ZFHX3: variants seen among roughly 807,000 people sequenced by gnomAD.
The protein encoded by ZFHX3 is zinc finger homeobox protein 3.
In ZFHX3, 42 loss-of-function variants were observed where a neutral mutation model predicts 279.1. The ratio of observed to expected loss-of-function variants is 0.15; its 90% CI spans 0.12 to 0.19. The LOEUF (loss-of-function observed/expected upper bound fraction) is 0.19, where lower values mean the gene tolerates loss of function less well. Ranked by LOEUF, ZFHX3 falls within the 10% of genes least tolerant of loss-of-function variation. ZFHX3 has a pLI of 1.00. For missense variants in ZFHX3, 4,981 were observed against 4,754.0 expected (o/e 1.05, Z -1.40); for synonymous variants, 2,293 against 1,957.8 (o/e 1.17, Z -4.52).
intron 3 of ZFHX3, among the ~76,000 whole-genome samples, chr16:73,358,973 C>T (rs2016390329): frequency 6.6e-6 from 1 of 152,160 alleles, no homozygotes; most frequent in South Asian, 2.1e-4. Flanking sequence ...CAAACAGTAC[C>T]TGGTCCATAA....
In ZFHX3 at chr16:73,784,838, T is replaced by C. The variant is rs1007803288; in HGVS notation, c.-1607-104598A>G. 2.5e-4 allele frequency among the ~76,000 whole-genome samples: 31 copies of C among 121,860 alleles called. 1 individual carries two copies. The highest frequency in any genetic ancestry group is 8.1e-3 in the Middle Eastern group (2 of 248). The allele number at this position is 121,860 out of a possible 152,430, so 79.9% of individuals were successfully genotyped here. A position where few individuals can be genotyped will look rare whatever the true frequency, so the allele number is the denominator to read the frequency against. On this transcript the variant is annotated intron_variant, in intron 1 of 17. Coordinates refer to the ZFHX3 transcript ENST00000641206. ...ATATACACACACACACACACACACA[T>C]ATAGTCTGAAAAAGCCAAGCAGTTC...
intron 2 of ZFHX3, among the ~76,000 whole-genome samples, chr16:72,952,038 C>T (rs1224488314): frequency 1.3e-5 from 2 of 152,150 alleles, no homozygotes; most frequent in Admixed American, 1.3e-4. Context: ...ATCACCTGAG[C>T]TTAGGAGCTC....
chr16:73,000,891 C>T (rs1025582730), intron 1 of ZFHX3, among the ~76,000 whole-genome samples: 1 of 152,236 alleles, frequency 6.6e-6, no homozygotes, highest in African/African-American at 2.4e-5. Context: ...GCAGCCAACA[C>T]TAAGCAATGA....
Position 73,810,697 on chromosome 16 carries a change from C to CA in ZFHX3, c.-1608+80953dup, listed in dbSNP as rs922965436. ...AGACTTAGCCAAGGTCATTCAACAA[C>CA]AAAAAAAAATGGAAGAGCTTGAACT... On this transcript the variant is annotated intron_variant, in intron 1 of 17. Transcript: ENST00000641206. Among the ~76,000 whole-genome samples, 149 of 149,900 alleles carry CA rather than the reference C, an allele frequency of 9.9e-4. 1 individual carries two copies. Among genetic ancestry groups the CA allele is most frequent in the African/African-American group, 2.7e-3 (110 of 40,948 alleles).
chr16:73,879,258 T>TG (rs1178774234), intron 1 of ZFHX3, among the ~76,000 whole-genome samples: 1 of 140,794 alleles, frequency 7.1e-6, no homozygotes, highest in African/African-American at 2.6e-5. Context: ...TAGGAAAGAC[T>TG]ACCATCGTGG....
At chr16:73,687,049 TA>T (rs1324970875) in intron 1 of ZFHX3, among the ~76,000 whole-genome samples, 2 of 103,846 alleles carry the variant, frequency 1.9e-5, no homozygotes, top group Non-Finnish European at 2.0e-5. Flanking sequence ...TATATATATA[TA>T]TATATATATA....
At chr16:73,342,565 C>T (rs1306759504) in intron 3 of ZFHX3, among the ~76,000 whole-genome samples, 1 of 151,992 alleles carries the variant, frequency 6.6e-6, no homozygotes, top group African/African-American at 2.4e-5. Flanking sequence ...AAAACGGGTG[C>T]AAAAGATCAT....
chr16:72,852,287 G>C (rs2037637117), intron 4 of ZFHX3, among the ~76,000 whole-genome samples: 1 of 152,080 alleles, frequency 6.6e-6, no homozygotes, highest in Non-Finnish European at 1.5e-5. Flanking sequence ...TTATATACTA[G>C]GTCCAAATTC....
At chr16:73,105,168 G>A (rs552395291) in intron 7 of ZFHX3, among the ~76,000 whole-genome samples, 1 of 151,784 alleles carries the variant, frequency 6.6e-6, no homozygotes, top group East Asian at 1.9e-4. Context: ...CACTTTGGGA[G>A]GCCAAAGTGG....
At chr16:72,997,037 G>GAGAA (rs1353567119) in intron 1 of ZFHX3, among the ~76,000 whole-genome samples, 1 of 152,162 alleles carries the variant, frequency 6.6e-6, no homozygotes, top group Admixed American at 6.5e-5. Context: ...GCTCCGGAAA[G>GAGAA]AGAACCGTTG....
At chr16:73,503,798 T>A (rs1269191274) in intron 2 of ZFHX3, among the ~76,000 whole-genome samples, 2 of 152,228 alleles carry the variant, frequency 1.3e-5, no homozygotes, top group Admixed American at 1.3e-4. Context: ...GTCAATGGAT[T>A]CACAATTGGC....
At position 72,787,296 on chromosome 16, in the gene ZFHX3, A is replaced by AT; in HGVS notation, c.10979dup (p.Tyr3660Ter). 1 of 1,613,924 alleles carries AT rather than the reference A, an allele frequency of 6.2e-7. No individual in the cohort carries two copies. The highest frequency in any genetic ancestry group is 8.5e-7 in the Non-Finnish European group (1 of 1,179,990). Residue 3660 changes from tyrosine to a stop codon, truncating the protein, a stop_gained and frameshift_variant, in exon 10 of 10, where the codon TAT becomes TAAT. Transcript: ENST00000268489. LOFTEE classifies it high-confidence loss of function. ...GVQPSMPTDD[Y>*]SEESDTDLSQ... is the part of the protein sequence containing the mutation. The stretch of plus-strand genomic sequence containing the variant: ...TGAGATCCGTGTCAGACTCCTCCGA[A>AT]TAGTCGTCTGTTGGCATCGAGGGCT...
chr16:73,297,354 A>G (rs2014941375), intron 4 of ZFHX3, among the ~76,000 whole-genome samples: 2 of 151,922 alleles, frequency 1.3e-5, no homozygotes, highest in South Asian at 4.1e-4. Flanking sequence ...GTAGCCACTG[A>G]CTCTAGGACA....
intron 1 of ZFHX3, among the ~76,000 whole-genome samples, chr16:73,020,027 A>T (rs1964246986): frequency 1.3e-5 from 2 of 152,140 alleles, no homozygotes; most frequent in Non-Finnish European, 2.9e-5. Context: ...TCATCGCTGA[A>T]AGACAAAATC....
intron 1 of ZFHX3, among the ~76,000 whole-genome samples, chr16:73,757,346 A>T (rs2053820780): frequency 6.6e-6 from 1 of 152,212 alleles, no homozygotes; most frequent in Non-Finnish European, 1.5e-5. Context: ...CCCATTAGGA[A>T]TAAGGATCCC....
chr16:73,803,534 TGAACA>T (rs1960193921), intron 1 of ZFHX3, among the ~76,000 whole-genome samples: 1 of 152,254 alleles, frequency 6.6e-6, no homozygotes, highest in Non-Finnish European at 1.5e-5. Context: ...GAGAGCCTAT[TGAACA>T]GAACAGAAGT....
At chr16:72,790,147 G>T (rs2035634954) in intron 9 of ZFHX3, 1 of 152,412 alleles carries the variant, frequency 6.6e-6, no homozygotes, top group Non-Finnish European at 1.5e-5. Context: ...ATGCAAGAGG[G>T]TGTTGCTACG....
At chr16:72,818,162 AGATCTGAAAATG>A (rs2036669405) in intron 5 of ZFHX3, among the ~76,000 whole-genome samples, 1 of 152,212 alleles carries the variant, frequency 6.6e-6, no homozygotes, top group Non-Finnish European at 1.5e-5. Flanking sequence ...ATGTATCACC[AGATCTGAAAATG>A]GTCCTTCAGC....
intron 2 of ZFHX3, among the ~76,000 whole-genome samples, chr16:73,533,858 C>G (rs551292586): frequency 6.6e-6 from 1 of 152,108 alleles, no homozygotes; most frequent in African/African-American, 2.4e-5. Flanking sequence ...ACACAGAATC[C>G]AACCCCAACC....
Sources: allele counts gnomAD v4.1 joint callset (sites outside exome capture counted in the v4.1 genomes callset), GRCh38; gene constraint gnomAD v4.1.1; transcripts MANE v1.5; gene names NCBI Gene and HGNC (gene_info 2026-07-23, HGNC 2026-07-21).